The following CLIP2 variants were observed in gnomAD, a reference collection of about 807,000 sequenced individuals.
The protein encoded by CLIP2 is CAP-Gly domain containing linker protein 2, also known as CAP-Gly domain-containing linker protein 2.
In CLIP2, 41 loss-of-function variants were observed where a neutral mutation model predicts 111.7. The observed-to-expected ratio is 0.37, with a 90% confidence interval of 0.29 to 0.48. The LOEUF is 0.48. Among genes scored for constraint, CLIP2 ranks in the 20% least tolerant of loss-of-function variants. The pLI is 0.99. For synonymous variants in CLIP2, 660 were observed against 644.2 expected, an observed-to-expected ratio of 1.02 and a Z score of -0.37; for missense variants, 1,160 against 1,422.1, an observed-to-expected ratio of 0.82 and a Z score of 2.96.
intron 1 of CLIP2, among the ~76,000 whole-genome samples, chr7:74,304,898 T>C (rs1161196135): frequency 6.6e-6 from 1 of 151,666 alleles, no homozygotes; most frequent in Non-Finnish European, 1.5e-5. Flanking sequence ...TGAGCTATGA[T>C]TGCATCACTA....
In CLIP2 at chr7:74,376,117, G is replaced by A; in HGVS notation, c.1716G>A (p.Lys572=). Residue 572 remains lysine, a synonymous_variant, in exon 10 of 17, where the codon AAG becomes AAA. Transcript: ENST00000223398. This position sits in a 1 kb window ranked among gnomAD's most constrained non-coding sequence, Gnocchi z 7.1. ...GGGATAAATACGAGAAGGCCCTGAA[G>A]GCCTACCAGGCGGAGGTGGACAAGC... The part of the protein sequence containing the change: ...VLRDKYEKAL[K]AYQAEVDKLR... 1.9e-6 allele frequency: 3 copies of A among 1,610,178 alleles called. No homozygotes were observed. Among genetic ancestry groups the A allele is most frequent in the East Asian group, 2.2e-5 (1 of 44,812 alleles).
chr7:74,310,571 G>C (rs1788615722), intron 1 of CLIP2, among the ~76,000 whole-genome samples: 1 of 152,104 alleles, frequency 6.6e-6, no homozygotes, highest in Non-Finnish European at 1.5e-5. Context: ...ACTTTTGTTT[G>C]TACAGGCACT....
At chr7:74,324,547 GA>G (rs1789060843) in intron 2 of CLIP2, among the ~76,000 whole-genome samples, 1 of 152,100 alleles carries the variant, frequency 6.6e-6, no homozygotes, top group Non-Finnish European at 1.5e-5. Context: ...CCCAGAGAGA[GA>G]AAGTGTCCCT....
At position 74,376,822 on chromosome 7, in the gene CLIP2, C is replaced by T. The variant is rs547091070; in HGVS notation, c.2421C>T (p.His807=). ...CCCTGTGCTCCTCCCAGCACACCCA[C>T]GTAGGCGCCTGCCCCTCCTGCTGGG... The part of the protein sequence containing the change: ...VEALCSSQHT[H]MIESNDISEE... The change falls in exon 10 of 17, where the codon CAC becomes CAT. Residue 807 remains histidine, a splice_region_variant and synonymous_variant. Coordinates refer to ENST00000223398, the MANE Select transcript of CLIP2 (RefSeq NM_003388.5). This position sits in a 1 kb window ranked among gnomAD's most constrained non-coding sequence, Gnocchi z 7.1. 1.0e-5 allele frequency: 16 copies of T among 1,575,906 alleles called. No individual in the cohort carries two copies. The highest frequency in any genetic ancestry group is 9.3e-5 in the South Asian group (8 of 85,750).
intron 14 of CLIP2, among the ~76,000 whole-genome samples, chr7:74,398,066 C>A (rs1194452072): frequency 6.6e-6 from 1 of 151,872 alleles, no homozygotes; most frequent in Non-Finnish European, 1.5e-5. Flanking sequence ...ACAGGACCAT[C>A]CCCATCCCTT....
chr7:74,365,610 C>T (rs1554310691), intron 8 of CLIP2, among the ~76,000 whole-genome samples: 8 of 152,054 alleles, frequency 5.3e-5, no homozygotes, highest in Non-Finnish European at 2.9e-5. Context: ...AGGCAGGGGG[C>T]GGGACAGACA....
intron 1 of CLIP2, among the ~76,000 whole-genome samples, chr7:74,303,212 C>T (rs1788386661): frequency 6.6e-6 from 1 of 152,226 alleles, no homozygotes; most frequent in South Asian, 2.1e-4. Context: ...GAGACTCTAG[C>T]TTCACCACTG....
At chr7:74,349,429 CA>C (rs1178028833) in intron 3 of CLIP2, among the ~76,000 whole-genome samples, 6,520 of 16,536 alleles carry the variant, frequency 0.39, 756 homozygotes, top group African/African-American at 0.51. Flanking sequence ...GACTCTGTCT[CA>C]AAAAAAAAAA....
At position 74,386,579 on chromosome 7, in the gene CLIP2, C is replaced by A. The variant is rs145862106; in HGVS notation, c.2538C>A (p.Thr846=). 2 of 1,610,450 alleles carry A rather than the reference C, an allele frequency of 1.2e-6. No homozygotes were observed. The highest frequency in any genetic ancestry group is 1.7e-6 in the Non-Finnish European group (2 of 1,178,598). ...AGGTGACAGCCTTGACCTCCCAGAC[C>A]GAGATGCTCAGGGCCCAAGTAAGTG... ...DKEVTALTSQ[T]EMLRAQVSAL... The change falls in exon 12 of 17, where the codon ACC becomes ACA. Residue 846 remains threonine, a synonymous_variant. Coordinates refer to ENST00000223398, the MANE Select transcript of CLIP2 (RefSeq NM_003388.5).
At position 74,310,036 on chromosome 7, in the gene CLIP2, C is replaced by CAA. The variant is rs71094774; in HGVS notation, c.-67-7403_-67-7402dup. On this transcript the variant is annotated intron_variant, in intron 1 of 16. Coordinates refer to ENST00000223398, the MANE Select transcript of CLIP2 (RefSeq NM_003388.5). ...GCAATATGGCAAGACCCTGTCTCTACAAAAAAAAAAAAAAAAAAAAAAAAA... is the reference window on the plus strand; with the variant it reads ...GCAATATGGCAAGACCCTGTCTCTACAAAAAAAAAAAAAAAAAAAAAAAAAAA... 1.8e-3 allele frequency among the ~76,000 whole-genome samples: 167 copies of CAA among 92,460 alleles called. 18 individuals are homozygous for CAA. The highest frequency in any genetic ancestry group is 5.6e-3 in the Middle Eastern group (1 of 180). The allele number at this position is 92,460 out of a possible 152,430, so 60.7% of individuals were successfully genotyped here.
rs782685051 is a variant in CLIP2 at position 74,338,730 on chromosome 7, T to A, written c.404T>A (p.Leu135His). The change falls in exon 3 of 17, where the codon CTC becomes CAC. Residue 135 changes from leucine to histidine, a missense_variant. Leu to His is a moderately conservative substitution (Grantham distance 99, BLOSUM62 -3). Transcript: ENST00000223398. The surrounding 1 kb of genome is among the most constrained non-coding windows in gnomAD (Gnocchi z 4.3). ...GTGCGCTACTTCGAGTGCCCGGCCC[T>A]CCAGGGTATCTTCACGCGGCCCTCC... ...GGVRYFECPA[L>H]QGIFTRPSKL... is the part of the protein sequence containing the mutation. The A allele has an allele frequency of 1.9e-6, 3 of 1,595,488 alleles. No individual in the cohort carries two copies. Among genetic ancestry groups the A allele is most frequent in the South Asian group, 2.2e-5 (2 of 89,388 alleles).
intron 11 of CLIP2, among the ~76,000 whole-genome samples, chr7:74,382,520 G>A (rs1276282883): frequency 1.4e-5 from 2 of 146,162 alleles, no homozygotes; most frequent in Non-Finnish European, 3.0e-5. Flanking sequence ...CACTATGTTG[G>A]CCAGGCTGGT....
chr7:74,346,884 A>G (rs1235047570), intron 3 of CLIP2, among the ~76,000 whole-genome samples: 5 of 152,002 alleles, frequency 3.3e-5, no homozygotes, highest in Admixed American at 1.3e-4. Flanking sequence ...AAAATAAAAA[A>G]TAAAATTATT....
rs115542856 is a variant in CLIP2 at position 74,343,385 on chromosome 7, T to C, written c.678+4381T>C. 8.4e-3 allele frequency among the ~76,000 whole-genome samples: 1,277 copies of C among 152,186 alleles called. 21 individuals are homozygous for C. The highest frequency in any genetic ancestry group is 0.029 in the African/African-American group (1,206 of 41,540). On this transcript the variant is annotated intron_variant, in intron 3 of 16. Coordinates refer to ENST00000223398, the MANE Select transcript of CLIP2 (RefSeq NM_003388.5). ...GGCAAACAGCTTAGTCTCCCTGACC[T>C]GTCCTTCAGGATCTCCGGGGTCTGT...
intron 1 of CLIP2, among the ~76,000 whole-genome samples, chr7:74,315,658 C>A (rs1788750611): frequency 6.6e-6 from 1 of 151,838 alleles, no homozygotes; most frequent in African/African-American, 2.4e-5. Flanking sequence ...GCAGCCTCCT[C>A]CTCCTGGGTT....
At position 74,357,299 on chromosome 7, in the gene CLIP2, G is replaced by A. The variant is rs782077948; in HGVS notation, c.1037G>A (p.Arg346His). ...CTGCAGCTCACGGAGACCTCTTCACGCTACGCCCGCAAGATCTCGGGCACC... is the reference window on the plus strand; with the variant it reads ...CTGCAGCTCACGGAGACCTCTTCACACTACGCCCGCAAGATCTCGGGCACC... ...RSGLLTETSS[R>H]YARKISGTTA... The change falls in exon 6 of 17, where the codon CGC becomes CAC. Residue 346 changes from arginine to histidine, a missense_variant. Physicochemically the swap from Arg to His is conservative, Grantham distance 29. Coordinates refer to ENST00000223398, the MANE Select transcript of CLIP2 (RefSeq NM_003388.5). 3 of 1,613,976 alleles carry A rather than the reference G, an allele frequency of 1.9e-6. No homozygotes were observed. The highest frequency in any genetic ancestry group is 1.1e-5 in the South Asian group (1 of 91,060).
intron 2 of CLIP2, among the ~76,000 whole-genome samples, chr7:74,330,248 C>CTTTTTTTTTTTTT: frequency 7.3e-6 from 1 of 136,470 alleles, no homozygotes. Flanking sequence ...TGTTTCTTTT[C>CTTTTTTTTTTTTT]TTTTTTTTTT....
chr7:74,384,848 A>T (rs1159046200), intron 11 of CLIP2, among the ~76,000 whole-genome samples: 2 of 151,982 alleles, frequency 1.3e-5, no homozygotes, highest in Non-Finnish European at 2.9e-5. Flanking sequence ...AGTTCCACCA[A>T]AATTTTAAAT....
chr7:74,340,860 G>C (rs1300271085), intron 3 of CLIP2, among the ~76,000 whole-genome samples: 2 of 152,090 alleles, frequency 1.3e-5, no homozygotes, highest in Non-Finnish European at 2.9e-5. Flanking sequence ...GGGGAAGGTG[G>C]TTGGTCATTC....
Sources: gnomAD v4.1 joint callset for allele counts (sites outside exome capture counted in the v4.1 genomes callset) on GRCh38, gnomAD v4.1.1 for gene constraint, Gnocchi (gnomAD v3.1) non-coding constraint, MANE v1.5 for transcripts, NCBI Gene and HGNC (gene_info 2026-07-23, HGNC 2026-07-21) for gene names.